The following C12orf42 variants were observed in gnomAD, a reference collection of about 807,000 sequenced individuals.
The protein encoded by C12orf42 is uncharacterized protein C12orf42.
Under a neutral mutation model 21.6 loss-of-function variants are expected in C12orf42, and 25 were observed. The ratio of observed to expected loss-of-function variants is 1.16; its 90% CI spans 0.84 to 1.62. The LOEUF (loss-of-function observed/expected upper bound fraction) is 1.62, where lower values mean the gene tolerates loss of function less well. Among genes scored for constraint, C12orf42 ranks in the 40% most tolerant of loss-of-function variants. The probability of loss-of-function intolerance (pLI) is 0.00; values close to 1 mark genes in which losing one functional copy is unlikely to be tolerated. For synonymous variants in C12orf42, 174 were observed against 175.0 expected (o/e 0.99, Z 0.05); for missense variants, 483 against 459.3 (o/e 1.05, Z -0.47).
intron 2 of C12orf42, among the ~76,000 whole-genome samples, chr12:103,476,469 G>A (rs1041948159): frequency 6.6e-5 from 10 of 152,280 alleles, no homozygotes; most frequent in African/African-American, 9.6e-5. Context: ...TATGGATTAC[G>A]TGTTAACTAT....
chr12:103,078,138 G>A, the C12orf42 span, among the ~76,000 whole-genome samples: 1 of 152,162 alleles, frequency 6.6e-6, no homozygotes, highest in South Asian at 2.1e-4. Context: ...AATAAAGGGA[G>A]AAGAAACTAA....
At position 103,281,503 on chromosome 12, in the gene C12orf42, C is replaced by G. The variant is rs2036115958; in HGVS notation, n.338-4293G>C. Among the ~76,000 whole-genome samples the G allele has an allele frequency of 3.3e-5, 5 of 152,078 alleles. No individual in the cohort carries two copies. The South Asian group carries it at 1.0e-3, about 32-fold the overall frequency. The stretch of plus-strand genomic sequence containing the variant: ...TCAGCCTCCCAAGTAGCTACAGGCG[C>G]CCACCACCATGCCTGGCTAATTTTT... On this transcript the variant is annotated intron_variant and non_coding_transcript_variant, in intron 4 of 6. Transcript: ENST00000546526.
the C12orf42 span, among the ~76,000 whole-genome samples, chr12:103,505,783 CAG>C: frequency 6.6e-6 from 1 of 152,220 alleles, no homozygotes; most frequent in Non-Finnish European, 1.5e-5. Context: ...TGGGAAATGA[CAG>C]TGGTCTGGCT....
At chr12:103,060,726 G>A in the C12orf42 span, among the ~76,000 whole-genome samples, 1 of 152,154 alleles carries the variant, frequency 6.6e-6, no homozygotes, top group Non-Finnish European at 1.5e-5. Context: ...AATGGGGAAA[G>A]GTTTCCATAT....
chr12:103,215,884 C>A, the C12orf42 span, among the ~76,000 whole-genome samples: 1 of 152,232 alleles, frequency 6.6e-6, no homozygotes, highest in Non-Finnish European at 1.5e-5. Flanking sequence ...TCCTCTGCTG[C>A]AAATTTCTAA....
the C12orf42 span, among the ~76,000 whole-genome samples, chr12:103,051,619 G>A: frequency 3.3e-5 from 5 of 152,130 alleles, no homozygotes; most frequent in Admixed American, 1.3e-4. Context: ...AAAGCCATCC[G>A]CATTTATGTG....
chr12:103,470,889 T>A (rs1375361128), intron 2 of C12orf42, among the ~76,000 whole-genome samples: 1 of 152,166 alleles, frequency 6.6e-6, no homozygotes, highest in Non-Finnish European at 1.5e-5. Context: ...ATCATTCCAG[T>A]CCCCAGCCAT....
At chr12:103,353,486 T>C (rs1198082661) in intron 4 of C12orf42, among the ~76,000 whole-genome samples, 1 of 152,148 alleles carries the variant, frequency 6.6e-6, no homozygotes, top group Non-Finnish European at 1.5e-5. Context: ...TTCTGCTTTG[T>C]GCTTGAGTTT....
the C12orf42 span, among the ~76,000 whole-genome samples, chr12:103,209,527 A>G: frequency 6.6e-6 from 1 of 152,304 alleles, no homozygotes; most frequent in East Asian, 1.9e-4. Context: ...ATAAAAGGTG[A>G]TTTGCAAACC....
Position 103,306,269 on chromosome 12 carries a change from A to G in C12orf42, c.336T>C (p.Cys112=). ...CATCAAAAGAAACTGTGCTTACAGA[A>G]CACCTGGGGACTATGTACTGGCAAG... ...LHTCQYIVPR[C]SVSTVSFDEE... is the part of the protein sequence containing the mutation. The change falls in exon 5 of 6, where the codon TGT becomes TGC. Residue 112 remains cysteine (C), a synonymous_variant. Transcript: ENST00000548883. 6.2e-7 allele frequency: 1 copy of G among 1,613,802 alleles called. No homozygotes were observed. Among genetic ancestry groups the G allele is most frequent in the East Asian group, 2.2e-5 (1 of 44,886 alleles).
In C12orf42 at chr12:103,306,222, C is replaced by T. The variant is rs199701137; in HGVS notation, c.383G>A (p.Arg128His). 4.4e-5 allele frequency: 71 copies of T among 1,613,870 alleles called. No individual in the cohort carries two copies. Among genetic ancestry groups the T allele is most frequent in the African/African-American group, 1.2e-4 (9 of 75,038 alleles). ...SFDEESYEEF[R>H]SSPAPSSETD... ...TTCACTGGATGGTGCTGGAGAGGAA[C>T]GGAATTCTTCATAGCTTTCTTCATC... The change falls in exon 5 of 6, where the codon CGT (arginine) becomes CAT (histidine). Residue 128 changes from arginine to histidine, a missense_variant. Coordinates refer to ENST00000548883, the MANE Select transcript of C12orf42 (RefSeq NM_198521.5).
At chr12:103,556,804 A>C in the C12orf42 span, among the ~76,000 whole-genome samples, 2 of 152,126 alleles carry the variant, frequency 1.3e-5, no homozygotes, top group Non-Finnish European at 2.9e-5. Flanking sequence ...TTAAGATGAG[A>C]TCATCCTTGA....
Position 103,302,292 on chromosome 12 carries a change from T to C in C12orf42, c.899A>G (p.Asp300Gly), listed in dbSNP as rs1459255478. The change falls in exon 6 of 6, where the codon GAC becomes GGC. Residue 300 changes from aspartate to glycine, a missense_variant. Physicochemically the swap from Asp to Gly is moderately conservative, Grantham distance 94. Coordinates refer to ENST00000548883, the MANE Select transcript of C12orf42 (RefSeq NM_198521.5). ...TGCCAGATTGCCATGGAGGGAGGTG[T>C]CCGCCTGAGGCCTCCTGTCCCGCGG... ...HTPRDRRPQA[D>G]TSLHGNLAGA... is the part of the protein sequence containing the mutation. 2 of 1,613,362 alleles carry C rather than the reference T, an allele frequency of 1.2e-6. No individual in the cohort carries two copies. Among genetic ancestry groups the C allele is most frequent in the Non-Finnish European group, 1.7e-6 (2 of 1,179,582 alleles).
At chr12:103,466,183 C>T (rs184811160) in intron 2 of C12orf42, among the ~76,000 whole-genome samples, 6 of 152,270 alleles carry the variant, frequency 3.9e-5, no homozygotes, top group Admixed American at 2.6e-4. Context: ...AGTACCAGCT[C>T]CTCTGTACCT....
chr12:103,470,945 C>G (rs1424304557), intron 2 of C12orf42, among the ~76,000 whole-genome samples: 1 of 152,166 alleles, frequency 6.6e-6, no homozygotes, highest in Non-Finnish European at 1.5e-5. Context: ...ATGCCTCAGA[C>G]ATCATGAAGC....
the C12orf42 span, among the ~76,000 whole-genome samples, chr12:103,080,268 T>A: frequency 6.6e-6 from 1 of 152,172 alleles, no homozygotes; most frequent in Non-Finnish European, 1.5e-5. Context: ...CCTCACCTGA[T>A]GGTATTTGGT....
intron 5 of C12orf42, among the ~76,000 whole-genome samples, chr12:103,273,536 C>T (rs1448142416): frequency 6.6e-6 from 1 of 152,162 alleles, no homozygotes; most frequent in Non-Finnish European, 1.5e-5. Context: ...ACTCTGTAAT[C>T]TTGAGCCACC....
chr12:103,070,576 G>A, the C12orf42 span, among the ~76,000 whole-genome samples: 1 of 151,550 alleles, frequency 6.6e-6, no homozygotes, highest in Non-Finnish European at 1.5e-5. Context: ...TGATTTAGTA[G>A]GAGTGTCCAA....
the C12orf42 span, among the ~76,000 whole-genome samples, chr12:103,079,828 T>C: frequency 6.6e-6 from 1 of 152,196 alleles, no homozygotes; most frequent in Admixed American, 6.5e-5. Context: ...AGTATTTCTG[T>C]CCTGAAGTGA....
Sources: gnomAD v4.1 joint callset for allele counts (sites outside exome capture counted in the v4.1 genomes callset) on GRCh38, gnomAD v4.1.1 for gene constraint, MANE v1.5 for transcripts, NCBI Gene and HGNC (gene_info 2026-07-23, HGNC 2026-07-21) for gene names.